TMEM165: variants seen among roughly 807,000 people sequenced by gnomAD.
TMEM165 encodes the protein transmembrane protein 165.
In TMEM165, 19 loss-of-function variants were observed where a neutral mutation model predicts 30.0. That is an observed-to-expected ratio of 0.63 (90% CI 0.44 to 0.93). The LOEUF is 0.93. Ranked by LOEUF, TMEM165 falls within the 40% of genes least tolerant of loss-of-function variation. TMEM165 has a pLI of 0.00. For synonymous variants in TMEM165, 168 were observed against 162.9 expected (o/e 1.03, Z -0.24); for missense variants, 340 against 417.0 (o/e 0.82, Z 1.61).
intron 3 of TMEM165, chr4:55,443,820 T>C (rs1220236526): frequency 6.2e-7 from 1 of 1,614,078 alleles, no homozygotes. Context: ...TGCAAGTTGC[T>C]GGATATTAGA....
intron 3 of TMEM165, chr4:55,442,442 T>C (rs140377972): frequency 1.9e-6 from 3 of 1,609,498 alleles, no homozygotes; most frequent in Non-Finnish European, 2.5e-6. Context: ...CTTATCTGCC[T>C]GTCCTGAGTG....
intron 3 of TMEM165, 94 bp from the exon 4 acceptor site, chr4:55,417,704 TATTTC>T: frequency 2.0e-6 from 2 of 1,005,394 alleles, no homozygotes; most frequent in Admixed American, 5.8e-5. Flanking sequence ...TTTTGGAGCA[TATTTC>T]ATAGAATTTA....
At position 55,425,648 on chromosome 4, in the gene TMEM165, C is replaced by A. The variant is rs1471587053; in HGVS notation, c.*196C>A. The stretch of plus-strand genomic sequence containing the variant: ...AGGAGTTTTAAAAGAAACCTGACTT[C>A]TAAGTGTGGGTTTTTCTTCTCTCCA... On this transcript the variant is annotated 3_prime_UTR_variant, in exon 6 of 6. Transcript: ENST00000381334. 4.0e-6 allele frequency: 2 copies of A among 499,626 alleles called. No homozygotes were observed. Among genetic ancestry groups the A allele is most frequent in the Non-Finnish European group, 7.0e-6 (2 of 285,368 alleles). The allele number at this position is 499,626 out of a possible 1,614,324, so 30.9% of individuals were successfully genotyped here.
At chr4:55,406,758 C>T (rs1721284278) in intron 1 of TMEM165, among the ~76,000 whole-genome samples, 1 of 151,996 alleles carries the variant, frequency 6.6e-6, no homozygotes. Context: ...CTCCTGGGCT[C>T]AAGCGATCCT....
At chr4:55,427,787 A>ATC (rs1553887764), downstream of TMEM165, 2 of 152,234 alleles carry the variant, frequency 1.3e-5, no homozygotes, top group African/African-American at 4.8e-5. Flanking sequence ...AGGCACCACA[A>ATC]TCTTGTAGCA....
intron 3 of TMEM165, chr4:55,433,031 A>G (rs755044178): frequency 6.6e-6 from 1 of 152,594 alleles, no homozygotes; most frequent in Non-Finnish European, 1.5e-5. Context: ...ATAGTTCTTC[A>G]TATCTTTTGT....
At chr4:55,420,141 ATTTAT>A (rs1267082314) in intron 4 of TMEM165, among the ~76,000 whole-genome samples, 14,897 of 49,290 alleles carry the variant, frequency 0.3, 2,146 homozygotes, top group South Asian at 0.43. Context: ...TTATTTATTT[ATTTAT>A]TTTATTTATT....
rs148899146 is a variant in TMEM165 at position 55,441,648 on chromosome 4, T to C, written c.409-10591T>C. Among the ~76,000 whole-genome samples the C allele has an allele frequency of 3.1e-3, 466 of 152,292 alleles. 2 individuals are homozygous for C. Among genetic ancestry groups the C allele is most frequent in the African/African-American group, 0.01 (429 of 41,566 alleles). On this transcript the variant is annotated intron_variant, in intron 3 of 3. Coordinates refer to the TMEM165 transcript ENST00000608091. ...CTCAGGAATGGAAAACCAAACACCA[T>C]ATATTCTCACTTGTAAGTGGGAGCT...
intron 3 of TMEM165, chr4:55,435,205 C>T: frequency 3.4e-6 from 2 of 595,264 alleles, no homozygotes; most frequent in Non-Finnish European, 6.0e-6. Flanking sequence ...ACTGGCTATG[C>T]CCCTATGATC....
intron 3 of TMEM165, chr4:55,448,690 A>G (rs1577695750): frequency 9.8e-7 from 1 of 1,025,100 alleles, no homozygotes. Flanking sequence ...GGTGCTTGCC[A>G]GCAAGCCTGG....
chr4:55,427,034 G>GTAT (rs1463961755), downstream of TMEM165, among the ~76,000 whole-genome samples: 2 of 108,770 alleles, frequency 1.8e-5, no homozygotes, highest in Non-Finnish European at 1.7e-5. Flanking sequence ...ATTCTCACTA[G>GTAT]TATTTTTTTT....
At position 55,435,649 on chromosome 4, in the gene TMEM165, T is replaced by A. The variant is rs1560409518; in HGVS notation, c.408+11006T>A. 3.2e-6 allele frequency: 5 copies of A among 1,559,146 alleles called. No homozygotes were observed. In the South Asian group the frequency reaches 5.6e-5, roughly 17 times the overall value. On this transcript the variant is annotated intron_variant, in intron 3 of 3. Transcript: ENST00000608091. Reference sequence around the variant, plus strand: ...CTTTACTCCCTTTATGGCACCCACATAATAGTTACTCACACTCTCCCCTGT... The same window carrying A: ...CTTTACTCCCTTTATGGCACCCACAAAATAGTTACTCACACTCTCCCCTGT...
intron 2 of TMEM165, chr4:55,415,951 C>G (rs1436389598): frequency 6.6e-6 from 1 of 151,838 alleles, no homozygotes; most frequent in Non-Finnish European, 1.5e-5. Flanking sequence ...ACCTCCTGGG[C>G]TCAAGTGATC....
intron 1 of TMEM165, among the ~76,000 whole-genome samples, chr4:55,406,993 G>A (rs905581041): frequency 1.3e-5 from 2 of 152,202 alleles, no homozygotes; most frequent in African/African-American, 4.8e-5. Context: ...ACAAATGATA[G>A]CATTACATTT....
At chr4:55,417,761 T>C in intron 3 of TMEM165, 42 bp from the exon 4 acceptor site, 1 of 1,465,472 alleles carries the variant, frequency 6.8e-7, no homozygotes, top group Non-Finnish European at 9.2e-7. Flanking sequence ...TATTTTGATT[T>C]GCTTCCTGTG....
chr4:55,424,550 G>C lies in TMEM165; in HGVS notation c.805G>C (p.Val269Leu). 3.1e-6 allele frequency: 5 copies of C among 1,612,232 alleles called. No individual in the cohort carries two copies. The highest frequency in any genetic ancestry group is 1.1e-5 in the South Asian group (1 of 91,038). The change falls in exon 5 of 6, where the codon GTA (valine) becomes CTA (leucine). Residue 269 changes from valine (V) to leucine (L), a missense_variant. Physicochemically the swap from Val to Leu is conservative, Grantham distance 32 (BLOSUM62 1). Around this residue, in one of 2 missense-constraint regions of TMEM165, gnomAD observed 220 missense variants for 307.6 expected, o/e 0.72. Coordinates refer to ENST00000381334, the MANE Select transcript of TMEM165 (RefSeq NM_018475.5). The stretch of plus-strand genomic sequence containing the variant: ...CGCTTGCTTCCAGGACCCCTATGGT[G>C]TAGCCGTGGGTGGAACTGTGGGGCA... ...VLAAREDPYG[V>L]AVGGTVGHCL...
rs771552665 is a variant in TMEM165 at position 55,443,788 on chromosome 4, C to T, written c.409-8451C>T. ...CTTTGAATCTGGTTAGTAGGAACAA[C>T]TTGGCCTTGCATATTTATAGGTGCA... On this transcript the variant is annotated intron_variant, in intron 3 of 3. Transcript: ENST00000608091. The T allele has an allele frequency of 5.0e-6, 8 of 1,613,934 alleles. No individual in the cohort carries two copies. In the Admixed American group the frequency reaches 1.3e-4, roughly 27 times the overall value.
In TMEM165 at chr4:55,401,852, C is replaced by T. The variant is rs545154968; in HGVS notation, c.207+5456C>T. Among the ~76,000 whole-genome samples the T allele has an allele frequency of 8.7e-4, 130 of 150,242 alleles. 9 individuals carry two copies. The highest frequency in any genetic ancestry group is 3.4e-3 in the Middle Eastern group (1 of 294). On this transcript the variant is annotated intron_variant, in intron 1 of 5. Transcript: ENST00000381334. ...TCAATGAAGGCCGGGCGCAGTGGCT[C>T]ACGCTTGTAATCCCTCCACTTTGGG...
chr4:55,437,834 TATTA>T (rs1158299354), intron 3 of TMEM165, among the ~76,000 whole-genome samples: 1 of 152,196 alleles, frequency 6.6e-6, no homozygotes, highest in Non-Finnish European at 1.5e-5. Context: ...TCTCCTCTGA[TATTA>T]ATTTACAACT....
Sources: allele counts gnomAD v4.1 joint callset (sites outside exome capture counted in the v4.1 genomes callset), GRCh38; gene constraint gnomAD v4.1.1; regional missense constraint gnomAD v4.1.1; transcripts MANE v1.5; gene names NCBI Gene and HGNC (gene_info 2026-07-23, HGNC 2026-07-21).